CADPS: variants seen among roughly 807,000 people sequenced by gnomAD.
CADPS encodes calcium-dependent secretion activator 1.
CADPS carries 57 observed loss-of-function variants against 167.3 expected under a neutral mutation model. That is an observed-to-expected ratio of 0.34 (90% CI 0.28 to 0.42). The LOEUF is 0.42. Among genes scored for constraint, CADPS ranks in the 20% least tolerant of loss-of-function variants. CADPS has a pLI of 1.00. For missense variants in CADPS, 1,414 were observed against 1,738.1 expected, an observed-to-expected ratio of 0.81 and a Z score of 3.32; for synonymous variants, 676 against 635.3, an observed-to-expected ratio of 1.06 and a Z score of -0.96.
chr3:62,725,174 T>C (rs985827647), intron 3 of CADPS, among the ~76,000 whole-genome samples: 1 of 91,854 alleles, frequency 1.1e-5, no homozygotes, highest in Non-Finnish European at 2.4e-5. Context: ...ATCTAAAATC[T>C]AGTAGAACTG....
intron 6 of CADPS, among the ~76,000 whole-genome samples, chr3:62,605,745 G>C (rs1049842280): frequency 3.3e-5 from 5 of 152,158 alleles, no homozygotes; most frequent in Non-Finnish European, 7.4e-5. Context: ...TGTGAGGTGA[G>C]GAAATACGTC....
intron 6 of CADPS, among the ~76,000 whole-genome samples, chr3:62,596,317 T>A (rs112911158): frequency 1.3e-5 from 2 of 151,594 alleles, no homozygotes; most frequent in Admixed American, 1.3e-4. Flanking sequence ...TGCCTCAGCC[T>A]CCCAAGTAGC....
intron 6 of CADPS, among the ~76,000 whole-genome samples, chr3:62,604,138 G>A (rs1364439925): frequency 1.3e-5 from 2 of 151,986 alleles, no homozygotes; most frequent in East Asian, 1.9e-4. Flanking sequence ...CCTGCTATAC[G>A]TTTTTTCAAG....
intron 27 of CADPS, among the ~76,000 whole-genome samples, chr3:62,443,429 A>G (rs1444362590): frequency 6.6e-6 from 1 of 152,198 alleles, no homozygotes; most frequent in African/African-American, 2.4e-5. Context: ...TGAAAACTCT[A>G]CTAATTCAAT....
intron 3 of CADPS, among the ~76,000 whole-genome samples, chr3:62,751,751 C>T (rs928341249): frequency 2.0e-5 from 3 of 152,070 alleles, no homozygotes; most frequent in Admixed American, 6.6e-5. Flanking sequence ...GCTAAGAGTA[C>T]AATCTTTATT....
chr3:62,557,272 T>G (rs945158776), intron 10 of CADPS, 133 bp downstream of exon 10: 4 of 684,386 alleles, frequency 5.8e-6, no homozygotes, highest in Non-Finnish European at 8.0e-6. Context: ...GTGACTGTCA[T>G]GCACACAGCT....
At chr3:62,747,500 T>A (rs1226295822) in intron 3 of CADPS, among the ~76,000 whole-genome samples, 1 of 152,192 alleles carries the variant, frequency 6.6e-6, no homozygotes, top group Non-Finnish European at 1.5e-5. Flanking sequence ...ATAAACTATC[T>A]GAAAAGCTGC....
At chr3:62,580,357 G>A (rs957943748) in intron 8 of CADPS, among the ~76,000 whole-genome samples, 2 of 152,004 alleles carry the variant, frequency 1.3e-5, no homozygotes, top group Admixed American at 6.6e-5. Context: ...AACACCACAT[G>A]TTCTCACTCA....
At chr3:62,567,015 T>C (rs530715334) in intron 9 of CADPS, among the ~76,000 whole-genome samples, 19 of 152,210 alleles carry the variant, frequency 1.2e-4, no homozygotes, top group Non-Finnish European at 2.1e-4. Flanking sequence ...TGTGTGACTT[T>C]CATCTTCTCT....
intron 1 of CADPS, among the ~76,000 whole-genome samples, chr3:62,788,385 G>A (rs936062275): frequency 6.6e-6 from 1 of 152,122 alleles, no homozygotes; most frequent in African/African-American, 2.4e-5. Flanking sequence ...TTAAGAAGAG[G>A]TTGAGAAAAG....
intron 11 of CADPS, among the ~76,000 whole-genome samples, chr3:62,549,292 G>A (rs78556545): frequency 0.011 from 1,624 of 152,230 alleles, 31 homozygotes; most frequent in East Asian, 0.047. Context: ...ATTTTAGGTA[G>A]CAAGAAGACA....
chr3:62,677,012 T>C (rs1328601757), intron 3 of CADPS, among the ~76,000 whole-genome samples: 1 of 152,124 alleles, frequency 6.6e-6, no homozygotes, highest in Non-Finnish European at 1.5e-5. Flanking sequence ...TTATCATTAA[T>C]AATTAATCTC....
At chr3:62,578,251 G>T (rs1170777250) in intron 8 of CADPS, among the ~76,000 whole-genome samples, 2 of 149,060 alleles carry the variant, frequency 1.3e-5, no homozygotes, top group African/African-American at 5.0e-5. Context: ...AAAGTAAATT[G>T]CAGGTGAAGA....
intron 1 of CADPS, among the ~76,000 whole-genome samples, chr3:62,845,983 C>T (rs985099209): frequency 6.6e-6 from 1 of 151,968 alleles, no homozygotes; most frequent in African/African-American, 2.4e-5. Flanking sequence ...TAGATTTCCC[C>T]CTTCCTGTTC....
chr3:62,498,102 A>T (rs968552629), intron 18 of CADPS: 1 of 456,418 alleles, frequency 2.2e-6, no homozygotes, highest in African/African-American at 2.0e-5. Context: ...GGCATGCACA[A>T]AGTATGACAG....
At chr3:62,830,282 A>C (rs2074842709) in intron 1 of CADPS, among the ~76,000 whole-genome samples, 1 of 152,168 alleles carries the variant, frequency 6.6e-6, no homozygotes, top group African/African-American at 2.4e-5. Flanking sequence ...CAAAGCAAGT[A>C]ATCAAAGTTG....
rs2059564337 is a variant in CADPS at position 62,599,773 on chromosome 3, A to ACATATAATATAT, written c.1326-7026_1326-7025insATATATTATATG. ...CTATTATATATATTGTATATATAAT[A>ACATATAATATAT]TATATATTATATATAATATATATAA... On this transcript the variant is annotated intron_variant, in intron 6 of 29. Coordinates refer to ENST00000383710, the MANE Select transcript of CADPS (RefSeq NM_003716.4). Among the ~76,000 whole-genome samples the ACATATAATATAT allele has an allele frequency of 4.3e-3, 8 of 1,840 alleles. 1 individual carries two copies. The highest frequency in any genetic ancestry group is 2.3e-3 in the Non-Finnish European group (1 of 444). The allele number at this position is 1,840 out of a possible 152,430, so 1.2% of individuals were successfully genotyped here. A position where few individuals can be genotyped will look rare whatever the true frequency, so the allele number is the denominator to read the frequency against.
At position 62,493,698 on chromosome 3, in the gene CADPS, C is replaced by T. The variant is rs1211107672; in HGVS notation, c.2707-33G>A. 5 of 1,548,636 alleles carry T rather than the reference C, an allele frequency of 3.2e-6. No individual in the cohort carries two copies. In the East Asian group the frequency reaches 9.7e-5, roughly 30 times the overall value. On this transcript the variant is annotated intron_variant, in intron 18 of 29. Coordinates refer to ENST00000383710, the MANE Select transcript of CADPS (RefSeq NM_003716.4). ...GCAAATTAAATGAAAAAAATCAAGT[C>T]ATGGACCATTCTGCAAGGTTGGCTT...
In CADPS at chr3:62,455,991, G is replaced by GTT. The variant is rs536660738; in HGVS notation, c.3636+9374_3636+9375dup. Among the ~76,000 whole-genome samples the GTT allele has an allele frequency of 5.9e-5, 9 of 152,216 alleles. No individual in the cohort carries two copies. The South Asian group carries it at 1.7e-3, about 28-fold the overall frequency. On this transcript the variant is annotated intron_variant, in intron 26 of 29. Transcript: ENST00000383710. The surrounding 1 kb of genome is among the most constrained non-coding windows in gnomAD (Gnocchi z 4.4). ...CCTGGGTTTGTAACACAGTGGTTTG[G>GTT]TTTCTCTCTCTCTCTCTTTTTTGTT... is the stretch of plus-strand genomic sequence containing the variant.
Sources: allele counts gnomAD v4.1 joint callset (sites outside exome capture counted in the v4.1 genomes callset), GRCh38; gene constraint gnomAD v4.1.1; non-coding constraint Gnocchi (gnomAD v3.1); transcripts MANE v1.5; gene names NCBI Gene and HGNC (gene_info 2026-07-23, HGNC 2026-07-21).